The following CCDC83 variants were observed in gnomAD, a reference collection of about 807,000 sequenced individuals.
CCDC83 encodes coiled-coil domain containing 83.
CCDC83 carries 54 observed loss-of-function variants against 50.1 expected under a neutral mutation model. That is an observed-to-expected ratio of 1.08 (90% CI 0.87 to 1.35). CCDC83 has a LOEUF of 1.35. Among genes scored for constraint, CCDC83 ranks in the 40% most tolerant of loss-of-function variants. The pLI, the probability that CCDC83 is intolerant of heterozygous loss-of-function variation, is 0.00. For missense variants in CCDC83, 518 were observed against 473.9 expected (o/e 1.09, Z -0.86); for synonymous variants, 161 against 153.3 (o/e 1.05, Z -0.37).
chr11:85,916,044 G>A lies in CCDC83; in HGVS notation c.891G>A (p.Leu297=). 1 of 1,608,884 alleles carries A rather than the reference G, an allele frequency of 6.2e-7. No homozygotes were observed. The highest frequency in any genetic ancestry group is 1.7e-5 in the Admixed American group (1 of 59,130). ...PETHIEEKSE[L]QPTEVESRDL... is the part of the protein sequence containing the mutation. Reference sequence around the variant, plus strand: ...TTATCCAAGAAGAGAAGTCAGAATTGCAACCCACAGAAGTAGAAAGTAGAG... The same window carrying A: ...TTATCCAAGAAGAGAAGTCAGAATTACAACCCACAGAAGTAGAAAGTAGAG... The change falls in exon 10 of 11, where the codon TTG becomes TTA. Residue 297 remains leucine, a synonymous_variant. Coordinates refer to ENST00000342404, the MANE Select transcript of CCDC83 (RefSeq NM_001286159.2).
At chr11:85,868,713 T>C (rs569914583) in intron 2 of CCDC83, among the ~76,000 whole-genome samples, 8 of 152,314 alleles carry the variant, frequency 5.3e-5, no homozygotes, top group African/African-American at 1.4e-4. Flanking sequence ...GGTCTCCCTA[T>C]GTTGACCAGG....
chr11:85,856,845 T>G (rs2093144463), intron 1 of CCDC83, among the ~76,000 whole-genome samples: 1 of 152,220 alleles, frequency 6.6e-6, no homozygotes, highest in Non-Finnish European at 1.5e-5. Flanking sequence ...ATTTTTAAAA[T>G]TAATGTTTTA....
At chr11:85,867,939 A>G (rs1375659187) in intron 2 of CCDC83, among the ~76,000 whole-genome samples, 2 of 152,206 alleles carry the variant, frequency 1.3e-5, no homozygotes, top group African/African-American at 4.8e-5. Context: ...TATGCATTCC[A>G]TGTGTTCCTC....
chr11:85,912,365 G>C lies in CCDC83; in HGVS notation c.794+963G>C, dbSNP rs1480421075. 3.9e-5 allele frequency among the ~76,000 whole-genome samples: 6 copies of C among 152,160 alleles called. No individual in the cohort carries two copies. In the East Asian group the frequency reaches 1.2e-3, roughly 29 times the overall value. ...TAAATTATGGGTTCCCTGTTTGCTA[G>C]GCTAAATGATGGGTGTCAGGATACA... On this transcript the variant is annotated intron_variant, in intron 8 of 10. Coordinates refer to ENST00000342404, the MANE Select transcript of CCDC83 (RefSeq NM_001286159.2).
At chr11:85,918,177 A>T (rs994333937) in intron 10 of CCDC83, among the ~76,000 whole-genome samples, 2 of 152,250 alleles carry the variant, frequency 1.3e-5, no homozygotes, top group Non-Finnish European at 2.9e-5. Flanking sequence ...GGTCCTTGTT[A>T]AATGCTTGTG....
chr11:85,859,981 C>T (rs1422651981), intron 1 of CCDC83, among the ~76,000 whole-genome samples: 1 of 151,988 alleles, frequency 6.6e-6, no homozygotes, highest in East Asian at 1.9e-4. Flanking sequence ...AAGCAAATAA[C>T]CCCATTTAAA....
chr11:85,891,663 T>G (rs1357420523), intron 5 of CCDC83, among the ~76,000 whole-genome samples: 1 of 152,220 alleles, frequency 6.6e-6, no homozygotes, highest in African/African-American at 2.4e-5. Flanking sequence ...ACATTGTTTC[T>G]TTGAATGTTA....
intron 8 of CCDC83, 96 bp downstream of exon 8, chr11:85,911,498 C>G: frequency 9.4e-7 from 1 of 1,061,944 alleles, no homozygotes; most frequent in East Asian, 2.6e-5. Context: ...TTTAATTATT[C>G]AGTGCTCCAG....
rs190021075 is a variant in CCDC83 at position 85,898,031 on chromosome 11, G to A, written c.604-916G>A. Among the ~76,000 whole-genome samples, 141 of 151,916 alleles carry A rather than the reference G, an allele frequency of 9.3e-4. 1 individual carries two copies. The highest frequency in any genetic ancestry group is 3.0e-3 in the African/African-American group (125 of 41,432). ...AACTTGGCCAGGCACAGTGGTGGGC[G>A]CCTGTAATCCCAGCTACTCAGGAGG... On this transcript the variant is annotated intron_variant, in intron 6 of 10. Transcript: ENST00000342404.
chr11:85,860,201 C>G (rs1592131592), intron 1 of CCDC83, among the ~76,000 whole-genome samples: 1 of 150,326 alleles, frequency 6.7e-6, no homozygotes, highest in East Asian at 2.0e-4. Flanking sequence ...ACTCGGGAGG[C>G]TGAGGCAGGA....
intron 5 of CCDC83, among the ~76,000 whole-genome samples, chr11:85,892,946 G>T (rs927531573): frequency 6.6e-6 from 1 of 152,260 alleles, no homozygotes; most frequent in Non-Finnish European, 1.5e-5. Flanking sequence ...AAAACCTAAT[G>T]AATTCTTGCT....
intron 3 of CCDC83, among the ~76,000 whole-genome samples, chr11:85,880,983 G>C (rs909854381): frequency 2.6e-5 from 4 of 152,158 alleles, no homozygotes; most frequent in Non-Finnish European, 5.9e-5. Flanking sequence ...TGAATAAACT[G>C]TGTTTGGTGT....
At chr11:85,903,119 G>T (rs2093409629) in intron 7 of CCDC83, among the ~76,000 whole-genome samples, 1 of 151,852 alleles carries the variant, frequency 6.6e-6, no homozygotes, top group East Asian at 2.0e-4. Flanking sequence ...TATAATCCCA[G>T]CTACATAGGA....
intron 3 of CCDC83, among the ~76,000 whole-genome samples, chr11:85,877,214 A>C (rs139377727): frequency 0.14 from 21,214 of 152,238 alleles, 1,794 homozygotes; most frequent in Middle Eastern, 0.2. Context: ...TCATGCCTGT[A>C]ATCCCAACAC....
intron 10 of CCDC83, 32 bp downstream of exon 10, chr11:85,916,265 T>C: frequency 2.1e-6 from 3 of 1,407,964 alleles, no homozygotes; most frequent in Non-Finnish European, 3.0e-6. Context: ...CTTTGACTAC[T>C]AAGAAAATGC....
intron 1 of CCDC83, among the ~76,000 whole-genome samples, chr11:85,856,488 G>T (rs998478532): frequency 6.6e-6 from 1 of 152,146 alleles, no homozygotes; most frequent in East Asian, 1.9e-4. Context: ...TGTAGTTCTG[G>T]TTACTAGAGA....
intron 8 of CCDC83, among the ~76,000 whole-genome samples, chr11:85,911,701 C>G (rs1202691082): frequency 1.3e-5 from 2 of 152,024 alleles, no homozygotes; most frequent in African/African-American, 4.8e-5. Context: ...GGGTAATGGT[C>G]ATGAAAATAA....
chr11:85,897,915 G>A (rs2093382542), intron 6 of CCDC83, among the ~76,000 whole-genome samples: 1 of 152,090 alleles, frequency 6.6e-6, no homozygotes, highest in Non-Finnish European at 1.5e-5. Context: ...CCAGCATTTG[G>A]GGAGGCCAAG....
chr11:85,890,804 A>T (rs1208583993), intron 5 of CCDC83, among the ~76,000 whole-genome samples: 2 of 152,232 alleles, frequency 1.3e-5, no homozygotes, highest in Non-Finnish European at 1.5e-5. Context: ...CTTTGAAAGA[A>T]GTTTAAATTG....
Sources: gnomAD v4.1 joint callset for allele counts (sites outside exome capture counted in the v4.1 genomes callset) on GRCh38, gnomAD v4.1.1 for gene constraint, MANE v1.5 for transcripts, NCBI Gene and HGNC (gene_info 2026-07-23, HGNC 2026-07-21) for gene names.